Variants in CPD observed in about 807,000 individuals in gnomAD.
The protein encoded by CPD is metallocarboxypeptidase D.
A neutral mutation model predicts 138.3 loss-of-function variants in CPD; 69 were observed. The observed-to-expected ratio is 0.50, with a 90% CI of 0.41 to 0.61. The LOEUF is 0.61. Among genes scored for constraint, CPD ranks in the 20% least tolerant of loss-of-function variants. CPD has a pLI of 0.00. For missense variants in CPD, 1,432 were observed against 1,733.3 expected (o/e 0.83, Z 3.09); for synonymous variants, 651 against 642.1 (o/e 1.01, Z -0.21).
chr17:30,461,893 A>G lies in CPD; in HGVS notation c.3647A>G (p.His1216Arg). ...SMLVEVHKGVHGFVKDKTGKP... is the reference protein window; with the variant it reads ...SMLVEVHKGVRGFVKDKTGKP... ...TTTTTTCAGGTTCACAAGGGAGTTC[A>G]TGGATTTGTTAAAGATAAGACTGGA... is the stretch of plus-strand genomic sequence containing the variant. Residue 1216 changes from histidine (H) to arginine (R), a missense_variant, in exon 19 of 21, where the codon CAT (histidine) becomes CGT (arginine). Physicochemically the swap from His to Arg is conservative, Grantham distance 29. Coordinates refer to ENST00000225719, the MANE Select transcript of CPD (RefSeq NM_001304.5). 6.3e-7 allele frequency: 1 copy of G among 1,599,594 alleles called. No individual in the cohort carries two copies. Among genetic ancestry groups the G allele is most frequent in the South Asian group, 1.1e-5 (1 of 88,886 alleles).
Position 30,464,655 on chromosome 17 carries a change from T to G in CPD, c.3984T>G (p.Asn1328Lys). ...IIWCICSIKS[N>K]RHKDGFHRLR... ...GGTGCATCTGCTCAATCAAGTCTAA[T>G]AGACACAAGGATGGCTTTCATCGGC... The change falls in exon 21 of 21, where the codon AAT becomes AAG. Residue 1328 changes from asparagine (N) to lysine (K), a missense_variant. Transcript: ENST00000225719. 1 of 1,613,962 alleles carries G rather than the reference T, an allele frequency of 6.2e-7. No homozygotes were observed. Among genetic ancestry groups the G allele is most frequent in the Non-Finnish European group, 8.5e-7 (1 of 1,179,918 alleles).
intron 7 of CPD, among the ~76,000 whole-genome samples, chr17:30,428,093 A>G (rs1345221545): frequency 6.6e-6 from 1 of 152,134 alleles, no homozygotes; most frequent in Non-Finnish European, 1.5e-5. Flanking sequence ...CTTTTATGTA[A>G]ATTTAGATTT....
In CPD at chr17:30,464,836, C is replaced by T; in HGVS notation, c.*22C>T. The T allele has an allele frequency of 6.3e-7, 1 of 1,590,872 alleles. No individual in the cohort carries two copies. The highest frequency in any genetic ancestry group is 1.1e-5 in the South Asian group (1 of 90,578). ...TTGAAAAACACATTTTGCATATCTC[C>T]CAGCATAAGTACCAAGCAAAATTAC... On this transcript the variant is annotated 3_prime_UTR_variant, in exon 21 of 21. Coordinates refer to ENST00000225719, the MANE Select transcript of CPD (RefSeq NM_001304.5).
intron 14 of CPD, among the ~76,000 whole-genome samples, chr17:30,453,668 TG>T (rs752472927): frequency 1.1e-4 from 16 of 152,330 alleles, no homozygotes; most frequent in East Asian, 5.8e-4. Flanking sequence ...GGACTCTGTG[TG>T]GGGGCTCTGA....
chr17:30,445,865 T>A lies in CPD; in HGVS notation c.2718T>A (p.Ile906=). Residue 906 remains isoleucine (I), a synonymous_variant, in exon 12 of 21, where the codon ATT becomes ATA. Coordinates refer to ENST00000225719, the MANE Select transcript of CPD (RefSeq NM_001304.5). ...DPTTKEFETL[I]KDLSAENGLE... is the part of the protein sequence containing the mutation. ...CTACTAAAGAGTTTGAAACTTTAAT[T>A]AAAGACCTTTCAGCGGAGAATGGTT... 1.2e-6 allele frequency: 2 copies of A among 1,614,148 alleles called. No individual in the cohort carries two copies. Among genetic ancestry groups the A allele is most frequent in the Non-Finnish European group, 1.7e-6 (2 of 1,180,000 alleles).
chr17:30,439,701 T>G, intron 9 of CPD, among the ~76,000 whole-genome samples: 3 of 92,654 alleles, frequency 3.2e-5, no homozygotes, highest in African/African-American at 4.8e-5. Context: ...GAATGATGAT[T>G]TCCAATTTCA....
chr17:30,447,809 G>A (rs1322356636), intron 12 of CPD, among the ~76,000 whole-genome samples: 1 of 152,102 alleles, frequency 6.6e-6, no homozygotes, highest in Non-Finnish European at 1.5e-5. Flanking sequence ...CTTTGTGGTG[G>A]TTGCTCTGCC....
chr17:30,436,089 G>T (rs1293046649), intron 8 of CPD, among the ~76,000 whole-genome samples: 2 of 152,120 alleles, frequency 1.3e-5, no homozygotes, highest in East Asian at 3.8e-4. Flanking sequence ...TGAGGGTTAG[G>T]ACTTCAATAT....
chr17:30,431,826 A>G lies in CPD; in HGVS notation c.2072A>G (p.Tyr691Cys). Residue 691 changes from tyrosine to cysteine, a missense_variant, in exon 8 of 21, where the codon TAT becomes TGT. Physicochemically the swap from Tyr to Cys is radical, Grantham distance 194. Transcript: ENST00000225719. ...FDDDEQGLAT[Y>C]SKSPDDAVFQ... is the part of the protein sequence containing the mutation. ...GATGATGAACAAGGACTTGCCACAT[A>G]TAGTAAATCACCAGATGATGCTGTG... 3.7e-6 allele frequency: 6 copies of G among 1,613,292 alleles called. No homozygotes were observed. Among genetic ancestry groups the G allele is most frequent in the South Asian group, 2.2e-5 (2 of 90,950 alleles).
At chr17:30,404,862 T>C (rs959590100) in intron 2 of CPD, among the ~76,000 whole-genome samples, 2 of 152,148 alleles carry the variant, frequency 1.3e-5, no homozygotes, top group African/African-American at 4.8e-5. Context: ...TCTATTCATC[T>C]ATTATTCCTC....
intron 17 of CPD, chr17:30,456,807 A>G (rs891344394): frequency 1.3e-5 from 3 of 225,990 alleles, no homozygotes; most frequent in East Asian, 2.0e-4. Context: ...AGATCGCACT[A>G]CTGCACTCCA....
chr17:30,388,594 A>G (rs1911260844), intron 2 of CPD, among the ~76,000 whole-genome samples: 1 of 152,186 alleles, frequency 6.6e-6, no homozygotes, highest in Non-Finnish European at 1.5e-5. Flanking sequence ...GCCAGGCAGC[A>G]GGAGCAGGCA....
rs977643436 is a variant in CPD at position 30,462,536 on chromosome 17, G to A, written c.3916+67G>A. On this transcript the variant is annotated intron_variant, in intron 20 of 20. Coordinates refer to ENST00000225719, the MANE Select transcript of CPD (RefSeq NM_001304.5). ...TCTTGACATTTCAATATGAGAGTGG[G>A]TCACCTCTCTCATATTGATCCTGAA... 1.2e-5 allele frequency: 13 copies of A among 1,058,220 alleles called. No homozygotes were observed. In the African/African-American group the frequency reaches 1.9e-4, roughly 15 times the overall value. The allele number at this position is 1,058,220 out of a possible 1,614,324, so 65.6% of individuals were successfully genotyped here. A position where few individuals can be genotyped will look rare whatever the true frequency, so the allele number is the denominator to read the frequency against.
Position 30,431,901 on chromosome 17 carries a change from T to A in CPD, c.2127+20T>A. ...TCCAAGGTAGGCTTGTCTTTGAATA[T>A]AAAATGTTACAAAATTAATTCTTTT... On this transcript the variant is annotated intron_variant, in intron 8 of 20. Transcript: ENST00000225719. 6.8e-7 allele frequency: 1 copy of A among 1,460,790 alleles called. No homozygotes were observed. Among genetic ancestry groups the A allele is most frequent in the Non-Finnish European group, 9.5e-7 (1 of 1,054,276 alleles). 90.5% of individuals were successfully genotyped at this position (1,460,790 alleles called of 1,614,324 possible). A position where few individuals can be genotyped will look rare whatever the true frequency, so the allele number is the denominator to read the frequency against.
intron 1 of CPD, among the ~76,000 whole-genome samples, chr17:30,383,525 G>C (rs1279251208): frequency 1.3e-5 from 2 of 152,270 alleles, no homozygotes; most frequent in East Asian, 3.9e-4. Context: ...TCTGGTGTCT[G>C]GAAGGGTGCT....
chr17:30,381,190 A>G (rs1225161406), intron 1 of CPD, among the ~76,000 whole-genome samples: 2 of 152,100 alleles, frequency 1.3e-5, no homozygotes, highest in Non-Finnish European at 2.9e-5. Context: ...ACCTCTGAAC[A>G]TCTGCGTAAG....
At chr17:30,463,475 C>T (rs765333614) in intron 20 of CPD, among the ~76,000 whole-genome samples, 12 of 152,064 alleles carry the variant, frequency 7.9e-5, no homozygotes, top group Non-Finnish European at 1.3e-4. Context: ...AGGACTTTGA[C>T]TTATATTAGT....
At chr17:30,393,192 C>G (rs2143326814) in intron 2 of CPD, among the ~76,000 whole-genome samples, 1 of 152,310 alleles carries the variant, frequency 6.6e-6, no homozygotes, top group East Asian at 1.9e-4. Flanking sequence ...TTTTATCATG[C>G]AGACAACTAT....
intron 7 of CPD, among the ~76,000 whole-genome samples, chr17:30,428,378 T>G (rs1912476212): frequency 1.3e-5 from 2 of 152,234 alleles, no homozygotes; most frequent in Admixed American, 1.3e-4. Context: ...ATATGAATGT[T>G]CAATGTACAT....
Sources: gnomAD v4.1 joint callset for allele counts (sites outside exome capture counted in the v4.1 genomes callset) on GRCh38, gnomAD v4.1.1 for gene constraint, MANE v1.5 for transcripts, NCBI Gene and HGNC (gene_info 2026-07-23, HGNC 2026-07-21) for gene names.